Variants in MMAA observed in about 807,000 individuals in gnomAD.
MMAA encodes methylmalonic aciduria type A protein, mitochondrial.
A neutral mutation model predicts 45.0 loss-of-function variants in MMAA; 41 were observed. The observed-to-expected ratio is 0.91, with a 90% confidence interval of 0.71 to 1.18. MMAA has a LOEUF of 1.18. Ranked by LOEUF, MMAA falls within the 50% of genes most tolerant of loss-of-function variation. MMAA has a pLI of 0.00. For missense variants in MMAA, 460 were observed against 495.7 expected (o/e 0.93, Z 0.68); for synonymous variants, 154 against 178.2 (o/e 0.86, Z 1.08).
intron 1 of MMAA, chr4:145,624,690 A>G (rs1734163549): frequency 1.3e-6 from 2 of 1,527,810 alleles, no homozygotes; most frequent in Non-Finnish European, 1.8e-6. Flanking sequence ...TTTGGGTTCC[A>G]TGGGCATCCC....
intron 1 of MMAA, chr4:145,624,824 C>T (rs1369253075): frequency 6.2e-7 from 1 of 1,609,026 alleles, no homozygotes; most frequent in South Asian, 1.1e-5. Flanking sequence ...CCTCCTCTAC[C>T]TTACATGGGT....
At chr4:145,637,017 G>A (rs1294198605) in intron 1 of MMAA, among the ~76,000 whole-genome samples, 1 of 152,208 alleles carries the variant, frequency 6.6e-6, no homozygotes, top group Non-Finnish European at 1.5e-5. Context: ...ATTTGTTACA[G>A]CAGCCATAGG....
At chr4:145,648,163 T>A (rs918600164) in intron 4 of MMAA, among the ~76,000 whole-genome samples, 7 of 148,920 alleles carry the variant, frequency 4.7e-5, no homozygotes, top group African/African-American at 1.7e-4. Flanking sequence ...TTTTTTTTTT[T>A]TAAAGACAGA....
rs1273855947 is a variant in MMAA, at chr4:145,647,273, G to T, written c.733+1117G>T. Among the ~76,000 whole-genome samples the T allele has an allele frequency of 2.0e-5, 3 of 152,172 alleles. No homozygotes were observed. The East Asian group carries it at 5.8e-4, about 29-fold the overall frequency. ...AGAATACTGTAGAAAAAGTAGATTT[G>T]CAGAGAGGAAAACAATGAGTTCAGT... On this transcript the variant is annotated intron_variant, in intron 4 of 6. Transcript: ENST00000649156.
intron 1 of MMAA, among the ~76,000 whole-genome samples, chr4:145,619,714 G>C (rs1032227461): frequency 2.2e-4 from 33 of 152,196 alleles, no homozygotes; most frequent in African/African-American, 7.7e-4. Context: ...CTGAGCCACA[G>C]CAAGGCAGCT....
At chr4:145,621,786 T>C (rs1734094975) in intron 1 of MMAA, among the ~76,000 whole-genome samples, 1 of 152,230 alleles carries the variant, frequency 6.6e-6, no homozygotes. Context: ...AGAGTAGTTA[T>C]TGAAATTGAG....
At chr4:145,653,003 G>A (rs116075662) in intron 5 of MMAA, among the ~76,000 whole-genome samples, 7,957 of 151,904 alleles carry the variant, frequency 0.052, 277 homozygotes, top group South Asian at 0.15. Context: ...CCAGGTAGCT[G>A]GGACTACAGC....
chr4:145,644,748 A>G (rs959260817), intron 3 of MMAA, among the ~76,000 whole-genome samples: 28 of 152,340 alleles, frequency 1.8e-4, no homozygotes, highest in African/African-American at 6.3e-4. Context: ...CCTGTAGGCA[A>G]AGACTTATTT....
At position 145,656,202 on chromosome 4, in the gene MMAA, T is replaced by C. The variant is rs1034155575; in HGVS notation, c.*768T>C. 3 of 152,174 alleles carry C rather than the reference T, an allele frequency of 2.0e-5. No individual in the cohort carries two copies. Among genetic ancestry groups the C allele is most frequent in the African/African-American group, 7.2e-5 (3 of 41,428 alleles). The allele number at this position is 152,174 out of a possible 1,614,324, so 9.4% of individuals were successfully genotyped here. A position where few individuals can be genotyped will look rare whatever the true frequency, so the allele number is the denominator to read the frequency against. ...TTCAGTTTGAAGACTACCAAAGGCT[T>C]TTGCTTCTCTTCTTCCTTGGCCATT... On this transcript the variant is annotated 3_prime_UTR_variant, in exon 7 of 7. Transcript: ENST00000649156.
chr4:145,654,290 T>C, intron 6 of MMAA, 147 bp downstream of exon 6: 2 of 968,278 alleles, frequency 2.1e-6, no homozygotes, highest in Non-Finnish European at 1.6e-6. Context: ...ACGGAGTGTG[T>C]AGTCATGATT....
chr4:145,655,407 G>C lies in MMAA; in HGVS notation c.1230G>C (p.Leu410Phe). The C allele has an allele frequency of 6.2e-7, 1 of 1,611,996 alleles. No individual in the cohort carries two copies. Among genetic ancestry groups the C allele is most frequent in the Non-Finnish European group, 8.5e-7 (1 of 1,179,394 alleles). ...ALSPGLAADF[L>F]LKAFKSRD ...CCCCAGGACTAGCAGCAGACTTCTT[G>C]TTAAAAGCTTTTAAAAGCAGAGACT... Residue 410 changes from leucine to phenylalanine, a missense_variant, in exon 7 of 7, where the codon TTG becomes TTC. Physicochemically the swap from Leu to Phe is conservative, Grantham distance 22. Transcript: ENST00000649156.
In MMAA at chr4:145,639,946, A is replaced by G. The variant is rs367852397; in HGVS notation, c.439+368A>G. On this transcript the variant is annotated intron_variant, in intron 2 of 6. Coordinates refer to ENST00000649156, the MANE Select transcript of MMAA (RefSeq NM_172250.3). The stretch of plus-strand genomic sequence containing the variant: ...AATTCCCTGTTTTGTTGTCGTATCA[A>G]CTATAATTATCACGTTTGAAAATTC... The G allele has an allele frequency of 1.5e-4, 92 of 602,098 alleles. No individual in the cohort carries two copies. The South Asian group carries it at 6.1e-3, about 40-fold the overall frequency. 37.3% of individuals were successfully genotyped at this position (602,098 alleles called of 1,614,324 possible).
intron 1 of MMAA, among the ~76,000 whole-genome samples, chr4:145,626,716 G>A (rs1487965888): frequency 2.6e-5 from 4 of 152,190 alleles, no homozygotes; most frequent in Middle Eastern, 6.8e-3. Flanking sequence ...GCCTTATGCC[G>A]CTGAGCCTCA....
At chr4:145,625,249 C>T in intron 1 of MMAA, 1 of 950,646 alleles carries the variant, frequency 1.1e-6, no homozygotes, top group South Asian at 1.3e-5. Flanking sequence ...GTTGCTGACT[C>T]TTGAGGAGCA....
chr4:145,637,090 A>G (rs1316634847), intron 1 of MMAA, among the ~76,000 whole-genome samples: 1 of 152,234 alleles, frequency 6.6e-6, no homozygotes, highest in Non-Finnish European at 1.5e-5. Context: ...TACTATTGTC[A>G]TCACCATCAG....
At chr4:145,639,037 A>T in intron 1 of MMAA, 38 bp from the exon 2 acceptor site, 3 of 1,033,440 alleles carry the variant, frequency 2.9e-6, no homozygotes, top group Non-Finnish European at 4.5e-6. Flanking sequence ...TATTTTAGTT[A>T]TATATCGAAC....
intron 1 of MMAA, among the ~76,000 whole-genome samples, chr4:145,627,456 C>A (rs1286586016): frequency 6.6e-6 from 1 of 151,992 alleles, no homozygotes; most frequent in Non-Finnish European, 1.5e-5. Context: ...AGTATATATT[C>A]ATGAACCTAA....
chr4:145,655,521 A>G lies in MMAA; in HGVS notation c.*87A>G. On this transcript the variant is annotated 3_prime_UTR_variant, in exon 7 of 7. Coordinates refer to ENST00000649156, the MANE Select transcript of MMAA (RefSeq NM_172250.3). ...CACTTGTATGCTTATATTTTCAGTA[A>G]TTATTGTATGGTGCTCTTGTCTTCT... 8.0e-7 allele frequency: 1 copy of G among 1,243,780 alleles called. No homozygotes were observed. Among genetic ancestry groups the G allele is most frequent in the Non-Finnish European group, 1.1e-6 (1 of 895,702 alleles). 77.0% of individuals were successfully genotyped at this position (1,243,780 alleles called of 1,614,324 possible). A position where few individuals can be genotyped will look rare whatever the true frequency, so the allele number is the denominator to read the frequency against.
chr4:145,636,372 T>G (rs1175502521), intron 1 of MMAA, among the ~76,000 whole-genome samples: 1 of 152,220 alleles, frequency 6.6e-6, no homozygotes, highest in Non-Finnish European at 1.5e-5. Context: ...GTCTCATCAC[T>G]CTTGACTTCG....
Sources: gnomAD v4.1 joint callset for allele counts (sites outside exome capture counted in the v4.1 genomes callset) on GRCh38, gnomAD v4.1.1 for gene constraint, MANE v1.5 for transcripts, NCBI Gene and HGNC (gene_info 2026-07-23, HGNC 2026-07-21) for gene names.